The following UGT1A5 variants were observed in gnomAD, a reference collection of about 807,000 sequenced individuals.
UGT1A5 encodes UDP glucuronosyltransferase family 1 member A5, also known as UDP-glucuronosyltransferase 1A5.
In UGT1A5, 29 loss-of-function variants were observed where a neutral mutation model predicts 40.3. The observed-to-expected ratio is 0.72, with a 90% confidence interval of 0.54 to 0.98. The LOEUF (loss-of-function observed/expected upper bound fraction) is 0.98, where lower values mean the gene tolerates loss of function less well. Ranked by LOEUF, UGT1A5 falls within the 50% of genes least tolerant of loss-of-function variation. The probability of loss-of-function intolerance (pLI) is 0.00; values close to 1 mark genes in which losing one functional copy is unlikely to be tolerated. For synonymous variants in UGT1A5, 257 were observed against 262.5 expected (o/e 0.98, Z 0.20); for missense variants, 678 against 677.9 (o/e 1.00, Z 0.00).
At chr2:233,757,535 A>AATATATATACATATATATACATATAT (rs376887521) in intron 1 of UGT1A5, among the ~76,000 whole-genome samples, 1 of 88,312 alleles carries the variant, frequency 1.1e-5, no homozygotes, top group Non-Finnish European at 2.2e-5. Context: ...GCCTGTAAGG[A>AATATATATACATATATATACATATAT]ATATATATAT....
chr2:233,772,893 C>A lies in UGT1A5; in HGVS notation c.*334C>A, dbSNP rs1248675472. 18 of 490,984 alleles carry A rather than the reference C, an allele frequency of 3.7e-5. No individual in the cohort carries two copies. In the East Asian group the frequency reaches 9.8e-4, roughly 27 times the overall value. 30.4% of individuals were successfully genotyped at this position (490,984 alleles called of 1,614,324 possible). A position where few individuals can be genotyped will look rare whatever the true frequency, so the allele number is the denominator to read the frequency against. ...TGGGAGTGCGGGATTCAAAGGTGGTCCCACGGCTGCCCCTACTGCAAATGG... is the reference window on the plus strand; with the variant it reads ...TGGGAGTGCGGGATTCAAAGGTGGTACCACGGCTGCCCCTACTGCAAATGG... On this transcript the variant is annotated 3_prime_UTR_variant, in exon 5 of 5. Transcript: ENST00000373414.
chr2:233,746,806 G>C (rs1247555019), intron 1 of UGT1A5, among the ~76,000 whole-genome samples: 1 of 151,794 alleles, frequency 6.6e-6, no homozygotes, highest in African/African-American at 2.4e-5. Flanking sequence ...GCGTGAATGT[G>C]GATTGCCTAC....
chr2:233,720,855 G>A (rs1361240386), intron 1 of UGT1A5, among the ~76,000 whole-genome samples: 4 of 149,664 alleles, frequency 2.7e-5, no homozygotes, highest in Non-Finnish European at 5.9e-5. Flanking sequence ...GCAGGCATGT[G>A]CCACTGCTCC....
chr2:233,728,673 T>C (rs1429159158), intron 1 of UGT1A5, among the ~76,000 whole-genome samples: 1 of 152,152 alleles, frequency 6.6e-6, no homozygotes, highest in Non-Finnish European at 1.5e-5. Context: ...TACTCATACA[T>C]GAGAAGAAAG....
At chr2:233,714,248 G>C (rs1260479337) in intron 1 of UGT1A5, among the ~76,000 whole-genome samples, 1 of 152,160 alleles carries the variant, frequency 6.6e-6, no homozygotes, top group Non-Finnish European at 1.5e-5. Flanking sequence ...AAGGAGGAAG[G>C]AATAGAAATT....
chr2:233,760,594 G>T, intron 1 of UGT1A5: 1 of 1,614,198 alleles, frequency 6.2e-7, no homozygotes, highest in Non-Finnish European at 8.5e-7. Context: ...TTTTGAGAAT[G>T]ATTCTTTCCT....
chr2:233,758,140 G>T (rs572849917), intron 1 of UGT1A5, among the ~76,000 whole-genome samples: 1 of 152,274 alleles, frequency 6.6e-6, no homozygotes, highest in East Asian at 1.9e-4. Context: ...GGCAGATGAG[G>T]GAATTAGCAA....
In UGT1A5 at chr2:233,737,318, G is replaced by C. The variant is rs1217578074; in HGVS notation, c.867+23460G>C. On this transcript the variant is annotated intron_variant, in intron 1 of 4. Coordinates refer to ENST00000373414, the MANE Select transcript of UGT1A5 (RefSeq NM_019078.2). ...CCTCACAGTTCAATCTCAGACTGCT[G>C]CACTAGCAGTGAGCAAGGCTCCGTG... 2.0e-5 allele frequency among the ~76,000 whole-genome samples: 3 copies of C among 152,236 alleles called. No homozygotes were observed. In the East Asian group the frequency reaches 5.8e-4, roughly 29 times the overall value.
At chr2:233,732,493 G>A (rs141356640) in intron 1 of UGT1A5, among the ~76,000 whole-genome samples, 3,223 of 152,294 alleles carry the variant, frequency 0.021, 102 homozygotes, top group African/African-American at 0.073. Context: ...TGTATAAGGC[G>A]TAAGGAAGGG....
At position 233,754,917 on chromosome 2, in the gene UGT1A5, G is replaced by A. The variant is rs1403282569; in HGVS notation, c.868-12117G>A. ...CTGACCCCCCAAAATATTCTCCAGC[G>A]GGTTTCCCAAGAGGTCAAAGGAGAA... On this transcript the variant is annotated intron_variant, in intron 1 of 4. Coordinates refer to ENST00000373414, the MANE Select transcript of UGT1A5 (RefSeq NM_019078.2). The A allele has an allele frequency of 3.0e-6, 4 of 1,353,604 alleles. No homozygotes were observed. In the African/African-American group the frequency reaches 4.4e-5, roughly 15 times the overall value. 83.8% of individuals were successfully genotyped at this position (1,353,604 alleles called of 1,614,324 possible).
intron 1 of UGT1A5, among the ~76,000 whole-genome samples, chr2:233,744,598 C>G (rs1055879945): frequency 2.0e-5 from 3 of 151,878 alleles, no homozygotes; most frequent in East Asian, 3.8e-4. Context: ...TTGCATCTCT[C>G]TTTAGTACTT....
chr2:233,768,435 A>G lies in UGT1A5; in HGVS notation c.1303A>G (p.Lys435Glu), dbSNP rs1699610425. Residue 435 changes from lysine to glutamate, a missense_variant, in exon 4 of 5, where the codon AAA becomes GAA. Physicochemically the swap from Lys to Glu is moderately conservative, Grantham distance 56. Transcript: ENST00000373414. ...ENALKAVINDKSYKENIMRLS... is the reference protein window; with the variant it reads ...ENALKAVINDESYKENIMRLS... ...TGCTCTAAAAGCAGTCATCAATGAC[A>G]AAAGGTAAGAAAGAAGATACAGAAG... 1.2e-6 allele frequency: 2 copies of G among 1,613,666 alleles called. No individual in the cohort carries two copies. The highest frequency in any genetic ancestry group is 1.7e-6 in the Non-Finnish European group (2 of 1,179,762).
chr2:233,716,449 C>T (rs2125648185), intron 1 of UGT1A5, among the ~76,000 whole-genome samples: 1 of 152,152 alleles, frequency 6.6e-6, no homozygotes, highest in Admixed American at 6.5e-5. Context: ...TTCATTTGGC[C>T]ATTTAAATTT....
chr2:233,716,171 A>G (rs17868334), intron 1 of UGT1A5, among the ~76,000 whole-genome samples: 15,437 of 152,224 alleles, frequency 0.1, 902 homozygotes, highest in East Asian at 0.2. Flanking sequence ...GCAGTGCAGC[A>G]TCTTCAAGTC....
At chr2:233,716,112 T>C (rs2076486973) in intron 1 of UGT1A5, among the ~76,000 whole-genome samples, 1 of 152,226 alleles carries the variant, frequency 6.6e-6, no homozygotes, top group Admixed American at 6.5e-5. Context: ...ATTTAGTTTT[T>C]CCATCTTAGT....
Position 233,714,841 on chromosome 2 carries a change from T to C in UGT1A5, c.867+983T>C, listed in dbSNP as rs560513548. Among the ~76,000 whole-genome samples, 282 of 152,342 alleles carry C rather than the reference T, an allele frequency of 1.9e-3. 2 individuals are homozygous for C. Among genetic ancestry groups the C allele is most frequent in the African/African-American group, 6.5e-3 (270 of 41,588 alleles). ...GTGACAACAATATGGTGAATGTTTATAAATATTCCATGGATAAAACTAAAA... is the reference window on the plus strand; with the variant it reads ...GTGACAACAATATGGTGAATGTTTACAAATATTCCATGGATAAAACTAAAA... On this transcript the variant is annotated intron_variant, in intron 1 of 4. Coordinates refer to ENST00000373414, the MANE Select transcript of UGT1A5 (RefSeq NM_019078.2).
chr2:233,746,859 GC>G lies in UGT1A5; in HGVS notation c.868-20173del, dbSNP rs776256702. Among the ~76,000 whole-genome samples the G allele has an allele frequency of 2.4e-3, 366 of 151,912 alleles. 1 individual carries two copies. Among genetic ancestry groups the G allele is most frequent in the Non-Finnish European group, 3.4e-3 (229 of 68,008 alleles). ...GGGGACCTCTCAGACCTCAGCTGCA[GC>G]CTGATAAACGTGGTTAACAGAGAAG... On this transcript the variant is annotated intron_variant, in intron 1 of 4. Coordinates refer to ENST00000373414, the MANE Select transcript of UGT1A5 (RefSeq NM_019078.2).
intron 1 of UGT1A5, among the ~76,000 whole-genome samples, chr2:233,724,347 C>T (rs1207944594): frequency 5.4e-5 from 8 of 147,950 alleles, no homozygotes; most frequent in East Asian, 2.1e-4. Flanking sequence ...CTGACCCCCC[C>T]CACCTCCCTC....
At chr2:233,718,331 G>A (rs1043504676) in intron 1 of UGT1A5, among the ~76,000 whole-genome samples, 5 of 152,242 alleles carry the variant, frequency 3.3e-5, no homozygotes, top group African/African-American at 4.8e-5. Context: ...GCTTAGCAAT[G>A]TTGTATGTCT....
Sources: gnomAD v4.1 joint callset for allele counts (sites outside exome capture counted in the v4.1 genomes callset) on GRCh38, gnomAD v4.1.1 for gene constraint, MANE v1.5 for transcripts, NCBI Gene and HGNC (gene_info 2026-07-23, HGNC 2026-07-21) for gene names.